PRKD1: variants seen among roughly 807,000 people sequenced by gnomAD.
The protein encoded by PRKD1 is serine/threonine-protein kinase D1.
A neutral mutation model predicts 95.9 loss-of-function variants in PRKD1; 63 were observed. The ratio of observed to expected loss-of-function variants is 0.66; its 90% CI spans 0.54 to 0.81. PRKD1 has a LOEUF of 0.81. PRKD1 is among the 30% of genes least tolerant of loss of function. The pLI is 0.00. For missense variants in PRKD1, 1,048 were observed against 1,165.3 expected (o/e 0.90, Z 1.47); for synonymous variants, 425 against 423.1 (o/e 1.00, Z -0.05).
chr14:29,626,220 A>T (rs1015964689), intron 12 of PRKD1, among the ~76,000 whole-genome samples: 7 of 152,184 alleles, frequency 4.6e-5, no homozygotes, highest in African/African-American at 1.7e-4. Context: ...AAACTTCTTC[A>T]GTACTGTGTG....
intron 1 of PRKD1, among the ~76,000 whole-genome samples, chr14:29,920,471 C>T (rs1432937996): frequency 6.6e-6 from 1 of 152,058 alleles, no homozygotes; most frequent in Non-Finnish European, 1.5e-5. Context: ...TTACCATCAA[C>T]ACCTATAAGA....
chr14:29,660,018 C>T (rs904865391), intron 4 of PRKD1, among the ~76,000 whole-genome samples: 4 of 152,128 alleles, frequency 2.6e-5, no homozygotes, highest in Non-Finnish European at 4.4e-5. Context: ...TTTTCCTACT[C>T]GAAGTTCTTG....
chr14:29,868,466 T>A (rs11849774), intron 1 of PRKD1, among the ~76,000 whole-genome samples: 1,548 of 152,226 alleles, frequency 0.01, 19 homozygotes, highest in African/African-American at 0.035. Context: ...ACAATAAAAA[T>A]AAATAGTAGC....
At chr14:29,778,559 A>G (rs1888883947) in intron 1 of PRKD1, among the ~76,000 whole-genome samples, 1 of 152,232 alleles carries the variant, frequency 6.6e-6, no homozygotes, top group Non-Finnish European at 1.5e-5. Flanking sequence ...AAATTCCTGG[A>G]CACATACACC....
chr14:29,888,275 G>C (rs937444917), intron 1 of PRKD1, among the ~76,000 whole-genome samples: 2 of 151,780 alleles, frequency 1.3e-5, no homozygotes, highest in African/African-American at 4.8e-5. Flanking sequence ...CTGGGTGACA[G>C]AGCGAGAAGA....
rs934263929 is a variant in PRKD1, at chr14:29,665,925, G to GTA, written c.535+150_535+151dup. The GTA allele has an allele frequency of 2.8e-5, 21 of 741,034 alleles. No individual in the cohort carries two copies. In the Admixed American group the frequency reaches 4.7e-4, roughly 16 times the overall value. 45.9% of individuals were successfully genotyped at this position (741,034 alleles called of 1,614,324 possible). A position where few individuals can be genotyped will look rare whatever the true frequency, so the allele number is the denominator to read the frequency against. ...TATATATACACACATATATATGTGC[G>GTA]TATATATATGTATATATGTACCACA... is the stretch of plus-strand genomic sequence containing the variant. On this transcript the variant is annotated intron_variant, in intron 3 of 17. Transcript: ENST00000331968.
intron 1 of PRKD1, among the ~76,000 whole-genome samples, chr14:29,880,256 G>A (rs1168976513): frequency 1.3e-5 from 2 of 152,160 alleles, no homozygotes; most frequent in East Asian, 1.9e-4. Context: ...TGCAGCCTGG[G>A]AACTTGGTGC....
intron 1 of PRKD1, among the ~76,000 whole-genome samples, chr14:29,805,676 G>C (rs1890202933): frequency 6.6e-6 from 1 of 152,196 alleles, no homozygotes. Flanking sequence ...GGTAGGCAAG[G>C]AGAGGTTAAA....
intron 1 of PRKD1, among the ~76,000 whole-genome samples, chr14:29,832,369 ATC>A (rs1264022747): frequency 2.6e-5 from 4 of 152,166 alleles, no homozygotes; most frequent in African/African-American, 9.7e-5. Context: ...AAATTAGTTT[ATC>A]ATGCATGCAT....
intron 1 of PRKD1, among the ~76,000 whole-genome samples, chr14:29,772,000 A>AT (rs2081167620): frequency 6.6e-6 from 1 of 152,212 alleles, no homozygotes; most frequent in Non-Finnish European, 1.5e-5. Flanking sequence ...TTGATTTCAC[A>AT]GGCTCACAAC....
At chr14:29,789,466 C>T in intron 1 of PRKD1, among the ~76,000 whole-genome samples, 2 of 152,104 alleles carry the variant, frequency 1.3e-5, no homozygotes, top group East Asian at 3.9e-4. Flanking sequence ...TTCTGGGTGG[C>T]TGTGTTGGTA....
intron 1 of PRKD1, among the ~76,000 whole-genome samples, chr14:29,876,134 A>G (rs1018206867): frequency 6.6e-6 from 1 of 152,230 alleles, no homozygotes; most frequent in African/African-American, 2.4e-5. Context: ...GAAACATACT[A>G]TATCTTCCAA....
At chr14:29,621,432 C>CTTCCT (rs377522516) in intron 13 of PRKD1, among the ~76,000 whole-genome samples, 11 of 151,674 alleles carry the variant, frequency 7.3e-5, no homozygotes, top group East Asian at 3.9e-4. Flanking sequence ...CCCTCTCTTT[C>CTTCCT]TTCCTTTCCT....
chr14:29,635,928 T>C (rs1880334520), intron 7 of PRKD1, among the ~76,000 whole-genome samples: 1 of 152,092 alleles, frequency 6.6e-6, no homozygotes, highest in Admixed American at 6.5e-5. Flanking sequence ...GCTAATAAAA[T>C]AGATGATTTC....
intron 1 of PRKD1, among the ~76,000 whole-genome samples, chr14:29,744,580 CT>C (rs1208092803): frequency 2.0e-5 from 3 of 152,206 alleles, no homozygotes; most frequent in East Asian, 3.9e-4. Context: ...GAATTTCACC[CT>C]TTTTGCCCAG....
intron 1 of PRKD1, among the ~76,000 whole-genome samples, chr14:29,786,222 T>C (rs1889267533): frequency 6.6e-6 from 1 of 152,210 alleles, no homozygotes; most frequent in Non-Finnish European, 1.5e-5. Context: ...ATCTTATTGA[T>C]GTGCTGTTGG....
At chr14:29,673,480 C>T (rs1433625801) in intron 2 of PRKD1, among the ~76,000 whole-genome samples, 1 of 152,210 alleles carries the variant, frequency 6.6e-6, no homozygotes, top group East Asian at 1.9e-4. Context: ...ATGCCTACCC[C>T]CACCTGCAAA....
intron 1 of PRKD1, among the ~76,000 whole-genome samples, chr14:29,920,045 GAA>G (rs1895041208): frequency 1.5e-5 from 2 of 137,392 alleles, no homozygotes; most frequent in Admixed American, 1.4e-4. Flanking sequence ...AGGAAGGAAG[GAA>G]GGAAGGAAGG....
chr14:29,624,468 C>T (rs532069762), intron 12 of PRKD1, among the ~76,000 whole-genome samples: 36 of 152,060 alleles, frequency 2.4e-4, no homozygotes, highest in African/African-American at 7.5e-4. Flanking sequence ...TAATTTAGAA[C>T]GCAAAAGAAT....
Sources: gnomAD v4.1 joint callset for allele counts (sites outside exome capture counted in the v4.1 genomes callset) on GRCh38, gnomAD v4.1.1 for gene constraint, MANE v1.5 for transcripts, NCBI Gene and HGNC (gene_info 2026-07-23, HGNC 2026-07-21) for gene names.